Variants in NAALADL2 observed in about 807,000 individuals in gnomAD.
NAALADL2 encodes the protein inactive N-acetylated-alpha-linked acidic dipeptidase-like protein 2.
A neutral mutation model predicts 87.2 loss-of-function variants in NAALADL2; 76 were observed. The ratio of observed to expected loss-of-function variants is 0.87; its 90% CI spans 0.72 to 1.05. NAALADL2 has a LOEUF of 1.05. NAALADL2 is among the 50% of genes least tolerant of loss of function. The pLI is 0.00. For missense variants in NAALADL2, 1,089 were observed against 945.8 expected (o/e 1.15, Z -1.99); for synonymous variants, 354 against 331.0 (o/e 1.07, Z -0.75).
At chr3:174,695,663 A>AT in intron 2 of NAALADL2, among the ~76,000 whole-genome samples, 2 of 152,194 alleles carry the variant, frequency 1.3e-5, no homozygotes. Flanking sequence ...ATATCAAAAT[A>AT]TTTTTATAAG....
intron 10 of NAALADL2, among the ~76,000 whole-genome samples, chr3:175,604,604 G>A (rs1313073607): frequency 2.6e-5 from 4 of 151,976 alleles, no homozygotes; most frequent in Admixed American, 1.3e-4. Context: ...ACGCCCAGCC[G>A]AAATTTTTTT....
Position 175,256,457 on chromosome 3 carries a change from G to T in NAALADL2, c.866G>T (p.Arg289Met), listed in dbSNP as rs1749959247. The change falls in exon 4 of 14, where the codon AGG becomes ATG. Residue 289 changes from arginine (R) to methionine (M), a missense_variant. By Grantham distance (91) the Arg-to-Met change is moderately conservative (BLOSUM62 -1). Coordinates refer to ENST00000454872, the MANE Select transcript of NAALADL2 (RefSeq NM_207015.3). ...VSYGMADDLK[R>M]IRKIKNVTNQ... ...TATGGAATGGCAGATGATTTAAAAA[G>T]GATTAGGAAAATAAAAAACGTAACA... 6.2e-7 allele frequency: 1 copy of T among 1,610,856 alleles called. No individual in the cohort carries two copies. Among genetic ancestry groups the T allele is most frequent in the South Asian group, 1.1e-5 (1 of 90,592 alleles).
intron 9 of NAALADL2, among the ~76,000 whole-genome samples, chr3:175,497,954 T>C (rs1361908419): frequency 2.0e-5 from 3 of 152,058 alleles, no homozygotes; most frequent in African/African-American, 7.2e-5. Context: ...ACTCAATTAA[T>C]GTTAGTGTGC....
At chr3:175,048,973 A>G (rs867504753) in intron 1 of NAALADL2, among the ~76,000 whole-genome samples, 5 of 152,274 alleles carry the variant, frequency 3.3e-5, no homozygotes, top group African/African-American at 1.2e-4. Context: ...TATTAGAAAA[A>G]TAACAGTATA....
At chr3:175,301,578 T>A (rs1757092736) in intron 4 of NAALADL2, among the ~76,000 whole-genome samples, 1 of 152,180 alleles carries the variant, frequency 6.6e-6, no homozygotes, top group Non-Finnish European at 1.5e-5. Flanking sequence ...TGGCTGTGAT[T>A]TAGCCCATTG....
At chr3:175,409,300 A>G (rs1186523071) in intron 5 of NAALADL2, among the ~76,000 whole-genome samples, 4 of 151,936 alleles carry the variant, frequency 2.6e-5, no homozygotes, top group African/African-American at 9.7e-5. Flanking sequence ...AAAGAAAATA[A>G]ATATGTTAAT....
intron 2 of NAALADL2, among the ~76,000 whole-genome samples, chr3:174,556,004 TG>T (rs1560052133): frequency 3.6e-5 from 5 of 139,582 alleles, no homozygotes; most frequent in African/African-American, 1.4e-4. Context: ...TGTGTGTGTG[TG>T]TGTGCGCGCA....
intron 11 of NAALADL2, among the ~76,000 whole-genome samples, chr3:175,697,633 A>T (rs1240172224): frequency 6.6e-6 from 1 of 151,508 alleles, no homozygotes; most frequent in African/African-American, 2.4e-5. Context: ...CCTGTCCACT[A>T]TTTAATCTCA....
chr3:174,488,069 G>T (rs1560011087), intron 1 of NAALADL2, among the ~76,000 whole-genome samples: 1 of 152,098 alleles, frequency 6.6e-6, no homozygotes, highest in Admixed American at 6.6e-5. Context: ...ATTGGGAGAA[G>T]AATAAATTGG....
Position 175,051,297 on chromosome 3 carries a change from C to T in NAALADL2, c.44-45493C>T, listed in dbSNP as rs1037338608. Among the ~76,000 whole-genome samples the T allele has an allele frequency of 2.0e-5, 3 of 152,072 alleles. 1 individual carries two copies. The highest frequency in any genetic ancestry group is 4.4e-5 in the Non-Finnish European group (3 of 68,018). ...ACAAACTTAGTGGGTTAAACAATAC[C>T]CATTTATTATGTCAGTTTCCATGGG... On this transcript the variant is annotated intron_variant, in intron 1 of 13. Coordinates refer to ENST00000454872, the MANE Select transcript of NAALADL2 (RefSeq NM_207015.3).
chr3:175,664,860 T>A (rs962269450), intron 11 of NAALADL2, among the ~76,000 whole-genome samples: 6 of 152,148 alleles, frequency 3.9e-5, no homozygotes, highest in Non-Finnish European at 8.8e-5. Flanking sequence ...TATCAAATCC[T>A]ATCAAAGGTT....
chr3:174,859,413 A>T lies in NAALADL2; in HGVS notation c.6A>T (p.Gly2=). M[G]ENEASLPNTS... is the part of the protein sequence containing the mutation. ...CTTTAAAAAGAAATAATAAAATGGG[A>T]GAGAATGAAGCAAGTTTACCTAACA... The change falls in exon 1 of 14, where the codon GGA becomes GGT. Residue 2 remains glycine, a synonymous_variant. Coordinates refer to ENST00000454872, the MANE Select transcript of NAALADL2 (RefSeq NM_207015.3). 1 of 1,609,496 alleles carries T rather than the reference A, an allele frequency of 6.2e-7. No homozygotes were observed. The highest frequency in any genetic ancestry group is 8.5e-7 in the Non-Finnish European group (1 of 1,177,364).
rs566393589 is a variant in NAALADL2, at chr3:174,552,921, G to A, written c.-115+2284G>A. ...TTTTAACATGCTTTAATTAGTTGAG[G>A]CACCAGTGGGGGCAAGATAGGTGAC... On this transcript the variant is annotated intron_variant, in intron 2 of 3. Transcript: ENST00000434257. Among the ~76,000 whole-genome samples the A allele has an allele frequency of 6.2e-4, 94 of 151,966 alleles. No homozygotes were observed. In the East Asian group the frequency reaches 0.011, roughly 18 times the overall value.
intron 5 of NAALADL2, among the ~76,000 whole-genome samples, chr3:175,335,758 A>G (rs1761908128): frequency 1.3e-5 from 2 of 152,182 alleles, no homozygotes; most frequent in African/African-American, 4.8e-5. Context: ...TTTGCCTATC[A>G]ACAGCCACTC....
chr3:174,729,653 A>G (rs770904189), intron 2 of NAALADL2, among the ~76,000 whole-genome samples: 1 of 152,058 alleles, frequency 6.6e-6, no homozygotes, highest in Non-Finnish European at 1.5e-5. Context: ...GCTATATTCT[A>G]TCTTTTAATA....
chr3:175,504,061 A>G (rs1272866209), intron 9 of NAALADL2, among the ~76,000 whole-genome samples: 2 of 152,316 alleles, frequency 1.3e-5, no homozygotes, highest in Non-Finnish European at 2.9e-5. Flanking sequence ...TTATAGTTTT[A>G]GGTTTTACAT....
chr3:175,654,455 C>T (rs1008905272), intron 11 of NAALADL2, among the ~76,000 whole-genome samples: 1 of 152,164 alleles, frequency 6.6e-6, no homozygotes, highest in Non-Finnish European at 1.5e-5. Flanking sequence ...GCATCAAATT[C>T]TCCAGCCTTA....
rs1755046133 is a variant in NAALADL2 at position 175,809,993 on chromosome 3, T to G, written c.*6790T>G. ...CATATCTCTCAAGAGGTGTCCCAAT[T>G]ACTAAATTATGTTGAACTGTTGTGG... On this transcript the variant is annotated 3_prime_UTR_variant, in exon 14 of 14. Transcript: ENST00000454872. The G allele has an allele frequency of 6.6e-6, 1 of 152,024 alleles. No homozygotes were observed. The highest frequency in any genetic ancestry group is 6.6e-5 in the Admixed American group (1 of 15,228). The allele number at this position is 152,024 out of a possible 1,614,324, so 9.4% of individuals were successfully genotyped here. A position where few individuals can be genotyped will look rare whatever the true frequency, so the allele number is the denominator to read the frequency against.
chr3:175,662,853 T>C (rs754052553), intron 11 of NAALADL2, among the ~76,000 whole-genome samples: 12 of 152,108 alleles, frequency 7.9e-5, no homozygotes, highest in Non-Finnish European at 1.5e-4. Flanking sequence ...CACTTGATCA[T>C]GTGAATAAAT....
Sources: allele counts gnomAD v4.1 joint callset (sites outside exome capture counted in the v4.1 genomes callset), GRCh38; gene constraint gnomAD v4.1.1; transcripts MANE v1.5; gene names NCBI Gene and HGNC (gene_info 2026-07-23, HGNC 2026-07-21).